Variants in GALNT17 observed in about 807,000 individuals in gnomAD.
GALNT17 encodes the protein UDP-GalNAc:polypeptide N-acetylgalactosaminyltransferase-like 3.
A neutral mutation model predicts 63.7 loss-of-function variants in GALNT17; 29 were observed. That is an observed-to-expected ratio of 0.46 (90% CI 0.34 to 0.62). GALNT17 has a LOEUF of 0.62. Ranked by LOEUF, GALNT17 falls within the 20% of genes least tolerant of loss-of-function variation. GALNT17 has a pLI of 0.01. For missense variants in GALNT17, 603 were observed against 799.6 expected (o/e 0.75, Z 2.97); for synonymous variants, 305 against 318.3 (o/e 0.96, Z 0.45).
At chr7:71,349,200 A>G in intron 2 of GALNT17, among the ~76,000 whole-genome samples, 1 of 152,176 alleles carries the variant, frequency 6.6e-6, no homozygotes, top group South Asian at 2.1e-4. Context: ...AACATTCTCC[A>G]AGTGGCAGCA....
chr7:71,640,018 G>A (rs1328634731), intron 6 of GALNT17, among the ~76,000 whole-genome samples: 3 of 151,896 alleles, frequency 2.0e-5, no homozygotes, highest in Admixed American at 6.6e-5. Flanking sequence ...CAAGAGTGGG[G>A]AAAAAAACAA....
chr7:71,202,744 C>T (rs985406671), intron 1 of GALNT17, among the ~76,000 whole-genome samples: 1 of 152,206 alleles, frequency 6.6e-6, no homozygotes, highest in Non-Finnish European at 1.5e-5. Flanking sequence ...TCCCTCCCGT[C>T]AAACCGAACC....
chr7:71,229,532 G>C (rs1789748531), intron 1 of GALNT17, among the ~76,000 whole-genome samples: 2 of 152,218 alleles, frequency 1.3e-5, no homozygotes, highest in Non-Finnish European at 2.9e-5. Flanking sequence ...TGAGTCTGAA[G>C]AGTAAGGCCA....
intron 6 of GALNT17, among the ~76,000 whole-genome samples, chr7:71,638,027 A>T (rs1302447348): frequency 6.6e-6 from 1 of 152,204 alleles, no homozygotes; most frequent in Non-Finnish European, 1.5e-5. Context: ...TGAGTTATTC[A>T]TGAGTTTTCC....
intron 1 of GALNT17, among the ~76,000 whole-genome samples, chr7:71,162,127 T>TCCTTCCTC (rs1788358182): frequency 5.6e-5 from 6 of 107,760 alleles, no homozygotes; most frequent in African/African-American, 2.0e-4. Context: ...CTCCCTCCCT[T>TCCTTCCTC]CCTTCCTTCC....
At position 71,713,285 on chromosome 7, in the gene GALNT17, C is replaced by T; in HGVS notation, c.*1139C>T. On this transcript the variant is annotated 3_prime_UTR_variant, in exon 11 of 11. Coordinates refer to ENST00000333538, the MANE Select transcript of GALNT17 (RefSeq NM_022479.3). ...GCTGACCTAGCTGTGTGGCCTTGGG[C>T]TTGCTGCTTCATTACTCACCTGGAT... 1 of 153,450 alleles carries T rather than the reference C, an allele frequency of 6.5e-6. No homozygotes were observed. The highest frequency in any genetic ancestry group is 1.5e-5 in the Non-Finnish European group (1 of 68,862). 9.5% of individuals were successfully genotyped at this position (153,450 alleles called of 1,614,324 possible). A position where few individuals can be genotyped will look rare whatever the true frequency, so the allele number is the denominator to read the frequency against.
chr7:71,607,999 ACT>A (rs1790071400), intron 6 of GALNT17, among the ~76,000 whole-genome samples: 1 of 151,946 alleles, frequency 6.6e-6, no homozygotes, highest in African/African-American at 2.4e-5. Flanking sequence ...GAGTTGAATG[ACT>A]CTCTAGAGCA....
chr7:71,574,902 C>A (rs1205669644), intron 6 of GALNT17, among the ~76,000 whole-genome samples: 4 of 152,136 alleles, frequency 2.6e-5, no homozygotes, highest in African/African-American at 9.7e-5. Context: ...AGGTGAGAAT[C>A]CACCTCTTTC....
intron 1 of GALNT17, among the ~76,000 whole-genome samples, chr7:71,306,970 C>T (rs1290661273): frequency 1.3e-5 from 2 of 152,060 alleles, no homozygotes; most frequent in African/African-American, 4.8e-5. Context: ...ATTACAGGTG[C>T]CCACCACCAC....
intron 1 of GALNT17, among the ~76,000 whole-genome samples, chr7:71,276,261 G>A (rs1790679615): frequency 6.6e-6 from 1 of 152,140 alleles, no homozygotes; most frequent in Non-Finnish European, 1.5e-5. Flanking sequence ...ATAAGAGTGA[G>A]TGTTCTGAGC....
intron 1 of GALNT17, among the ~76,000 whole-genome samples, chr7:71,250,090 T>C (rs1790168822): frequency 6.6e-6 from 1 of 152,206 alleles, no homozygotes. Flanking sequence ...TAGAAACATT[T>C]CCAAACATCC....
chr7:71,553,209 C>A (rs1331962150), intron 5 of GALNT17, among the ~76,000 whole-genome samples: 1 of 151,952 alleles, frequency 6.6e-6, no homozygotes, highest in Non-Finnish European at 1.5e-5. Context: ...TGCCTGTAGT[C>A]CCGGCTACTT....
chr7:71,547,950 G>C (rs1398577356), intron 5 of GALNT17, among the ~76,000 whole-genome samples: 1 of 152,090 alleles, frequency 6.6e-6, no homozygotes, highest in Admixed American at 6.6e-5. Flanking sequence ...TAGAGGAGTT[G>C]GGTGCGGTGG....
At chr7:71,607,315 G>C (rs1390503962) in intron 6 of GALNT17, among the ~76,000 whole-genome samples, 1 of 152,186 alleles carries the variant, frequency 6.6e-6, no homozygotes, top group African/African-American at 2.4e-5. Flanking sequence ...CTTGACTTCA[G>C]TAAATTGATG....
chr7:71,531,830 G>A (rs1179735186), intron 5 of GALNT17, among the ~76,000 whole-genome samples: 1 of 152,162 alleles, frequency 6.6e-6, no homozygotes, highest in Non-Finnish European at 1.5e-5. Flanking sequence ...ATTTCAAACA[G>A]AGCGGAATGC....
At chr7:71,199,575 CCTTCTGCTCATTAATCCATT>C (rs1297136139) in intron 1 of GALNT17, among the ~76,000 whole-genome samples, 1 of 149,460 alleles carries the variant, frequency 6.7e-6, no homozygotes, top group Admixed American at 6.6e-5. Context: ...TCCTGCCTAC[CCTTCTGCTCATTAATCCATT>C]CATCTGCTCA....
intron 9 of GALNT17, among the ~76,000 whole-genome samples, chr7:71,699,306 C>T (rs1190821649): frequency 1.3e-5 from 2 of 151,516 alleles, no homozygotes; most frequent in African/African-American, 2.4e-5. Context: ...GGTGAAACCC[C>T]GTCTCTACTA....
intron 9 of GALNT17, among the ~76,000 whole-genome samples, chr7:71,710,275 C>T (rs902641855): frequency 2.0e-5 from 3 of 152,100 alleles, no homozygotes; most frequent in African/African-American, 4.8e-5. Flanking sequence ...TTTGAGAAGC[C>T]GAGGTGGGCA....
intron 9 of GALNT17, among the ~76,000 whole-genome samples, chr7:71,690,041 T>C (rs892670020): frequency 6.6e-6 from 1 of 151,982 alleles, no homozygotes; most frequent in African/African-American, 2.4e-5. Context: ...TTTTCTTTTT[T>C]TTGAGACGGA....
Sources: gnomAD v4.1 joint callset for allele counts (sites outside exome capture counted in the v4.1 genomes callset) on GRCh38, gnomAD v4.1.1 for gene constraint, MANE v1.5 for transcripts, NCBI Gene and HGNC (gene_info 2026-07-23, HGNC 2026-07-21) for gene names.